GALK2: variants seen among roughly 807,000 people sequenced by gnomAD.
The protein encoded by GALK2 is galactokinase 2.
A neutral mutation model predicts 52.4 loss-of-function variants in GALK2; 36 were observed. That is an observed-to-expected ratio of 0.69 (90% CI 0.53 to 0.91). GALK2 has a LOEUF of 0.91. Ranked by LOEUF, GALK2 falls within the 40% of genes least tolerant of loss-of-function variation. The pLI is 0.00. For synonymous variants in GALK2, 176 were observed against 199.1 expected (o/e 0.88, Z 0.98); for missense variants, 579 against 559.1 (o/e 1.04, Z -0.36).
chr15:49,177,298 A>T (rs1329955238), intron 1 of GALK2, among the ~76,000 whole-genome samples: 4 of 151,590 alleles, frequency 2.6e-5, no homozygotes, highest in Admixed American at 6.6e-5. Context: ...TATTTTCATT[A>T]TTTATTTTCT....
chr15:49,347,958 G>A (rs1323103764), intron 3 of GALK2, among the ~76,000 whole-genome samples: 2 of 144,958 alleles, frequency 1.4e-5, no homozygotes, highest in African/African-American at 2.6e-5. Context: ...GGTGGAGGCT[G>A]CAGTGAGCTG....
chr15:49,268,042 G>A (rs1595899318), intron 5 of GALK2, among the ~76,000 whole-genome samples: 1 of 152,170 alleles, frequency 6.6e-6, no homozygotes, highest in East Asian at 1.9e-4. Context: ...TCTGAATATG[G>A]TGGGTTAGCA....
intron 5 of GALK2, among the ~76,000 whole-genome samples, chr15:49,258,517 A>C (rs1188463572): frequency 1.3e-5 from 2 of 152,066 alleles, no homozygotes; most frequent in African/African-American, 4.8e-5. Context: ...GACACAATGA[A>C]GTAGGTAATT....
chr15:49,190,739 T>C (rs2141258113), intron 1 of GALK2, among the ~76,000 whole-genome samples: 1 of 152,338 alleles, frequency 6.6e-6, no homozygotes, highest in African/African-American at 2.4e-5. Flanking sequence ...GCAGCCGTAC[T>C]TCAACCAGTC....
intron 3 of GALK2, chr15:49,366,590 G>T (rs1279993328): frequency 1.9e-6 from 3 of 1,599,104 alleles, no homozygotes; most frequent in East Asian, 4.5e-5. Context: ...ATTTCCAGAC[G>T]CATGCAAGAT....
At chr15:49,256,036 G>A (rs527371911) in intron 5 of GALK2, among the ~76,000 whole-genome samples, 13 of 152,196 alleles carry the variant, frequency 8.5e-5, no homozygotes, top group African/African-American at 2.9e-4. Context: ...CTGCCACTGT[G>A]TATATAGGGT....
intron 1 of GALK2, among the ~76,000 whole-genome samples, chr15:49,162,902 AG>A (rs1473216233): frequency 6.6e-6 from 1 of 152,258 alleles, no homozygotes; most frequent in African/African-American, 2.4e-5. Context: ...ACCTTAAAAC[AG>A]GATGGAAAAT....
intron 5 of GALK2, among the ~76,000 whole-genome samples, chr15:49,247,539 C>T (rs1479324157): frequency 1.3e-5 from 2 of 152,192 alleles, no homozygotes; most frequent in African/African-American, 2.4e-5. Flanking sequence ...GATTTATTAA[C>T]TGACCATCTA....
rs113198138 is a variant in GALK2, at chr15:49,156,014, C to T, written c.18C>T (p.Asp6=). The T allele has an allele frequency of 1.5e-5, 25 of 1,614,112 alleles. 1 individual carries two copies. In the African/African-American group the frequency reaches 1.9e-4, roughly 12 times the overall value. ...AGGCTGACATGCCCGTCCTATATGA[C>T]AGGTATTATTTCTGCTATCATTGTA... Residue 6 remains aspartate (D), a splice_region_variant and synonymous_variant, in exon 1 of 10, where the codon GAC becomes GAT. Transcript: ENST00000327171.
chr15:49,271,279 A>G (rs1317145241), intron 5 of GALK2, among the ~76,000 whole-genome samples: 1 of 152,008 alleles, frequency 6.6e-6, no homozygotes, highest in Non-Finnish European at 1.5e-5. Flanking sequence ...GGCTTTCCCC[A>G]ACAACTTTTT....
chr15:49,277,144 T>G (rs1193586298), intron 5 of GALK2, among the ~76,000 whole-genome samples: 1 of 1,904 alleles, frequency 5.3e-4, no homozygotes, highest in Non-Finnish European at 1.7e-3. Context: ...TGTATTTTTT[T>G]TTTTTTTTTT....
At chr15:49,342,658 A>G (rs2040913297) in intron 3 of GALK2, among the ~76,000 whole-genome samples, 1 of 152,160 alleles carries the variant, frequency 6.6e-6, no homozygotes, top group Non-Finnish European at 1.5e-5. Context: ...TTTCTGTGGT[A>G]GAAGGTATCC....
chr15:49,345,423 T>C (rs1567113748), intron 3 of GALK2, among the ~76,000 whole-genome samples: 1 of 152,236 alleles, frequency 6.6e-6, no homozygotes, highest in African/African-American at 2.4e-5. Context: ...TCAGTGGTGA[T>C]GGTTTTCAGT....
intron 5 of GALK2, among the ~76,000 whole-genome samples, chr15:49,244,952 C>T (rs1339644427): frequency 6.6e-6 from 1 of 151,572 alleles, no homozygotes; most frequent in Non-Finnish European, 1.5e-5. Context: ...CAAAGCTCAG[C>T]TAGATATACA....
At chr15:49,277,317 C>T (rs1474760665) in intron 5 of GALK2, among the ~76,000 whole-genome samples, 37 of 141,076 alleles carry the variant, frequency 2.6e-4, no homozygotes, top group African/African-American at 8.5e-4. Flanking sequence ...TACAGGCGCC[C>T]GCCACTACGC....
At chr15:49,351,094 T>A (rs1424949350) in intron 3 of GALK2, among the ~76,000 whole-genome samples, 1 of 152,210 alleles carries the variant, frequency 6.6e-6, no homozygotes, top group African/African-American at 2.4e-5. Context: ...TTCTTTCCTA[T>A]ATAAACTATC....
chr15:49,186,545 T>TC (rs1403194905), intron 1 of GALK2, among the ~76,000 whole-genome samples: 8 of 148,438 alleles, frequency 5.4e-5, no homozygotes, highest in African/African-American at 1.7e-4. Flanking sequence ...TTTTTTTCTT[T>TC]TTTTTTTTTT....
chr15:49,309,872 C>T (rs2141905037), intron 8 of GALK2, among the ~76,000 whole-genome samples: 1 of 152,200 alleles, frequency 6.6e-6, no homozygotes, highest in South Asian at 2.1e-4. Context: ...ACCCAAAGTG[C>T]TGGGATTACA....
intron 1 of GALK2, chr15:49,177,901 A>G (rs1023299290): frequency 1.2e-5 from 2 of 171,032 alleles, no homozygotes; most frequent in African/African-American, 4.8e-5. Context: ...CACACCTGTA[A>G]TCCCAGCACT....
Sources: gnomAD v4.1 joint callset for allele counts (sites outside exome capture counted in the v4.1 genomes callset) on GRCh38, gnomAD v4.1.1 for gene constraint, MANE v1.5 for transcripts, NCBI Gene and HGNC (gene_info 2026-07-23, HGNC 2026-07-21) for gene names.